Variants in ARHGEF12 observed in about 807,000 individuals in gnomAD.
ARHGEF12 encodes KMT2A/ARHGEF12 fusion protein.
A neutral mutation model predicts 211.2 loss-of-function variants in ARHGEF12; 66 were observed. That is an observed-to-expected ratio of 0.31 (90% confidence interval 0.26 to 0.38). ARHGEF12 has a LOEUF of 0.38. Among genes scored for constraint, ARHGEF12 ranks in the 10% least tolerant of loss-of-function variants. The pLI is 1.00. For synonymous variants in ARHGEF12, 592 were observed against 638.4 expected, an observed-to-expected ratio of 0.93 and a Z score of 1.09; for missense variants, 1,429 against 1,869.5, an observed-to-expected ratio of 0.76 and a Z score of 4.34.
intron 1 of ARHGEF12, among the ~76,000 whole-genome samples, chr11:120,370,287 CATA>C (rs746575237): frequency 3.8e-4 from 58 of 152,268 alleles, no homozygotes; most frequent in Admixed American, 6.5e-4. Context: ...CCTTGTCATA[CATA>C]ATGTTTCCAT....
chr11:120,385,120 C>G (rs1943991001), intron 1 of ARHGEF12, among the ~76,000 whole-genome samples: 1 of 151,982 alleles, frequency 6.6e-6, no homozygotes, highest in Admixed American at 6.6e-5. Flanking sequence ...TTGGCCTGTT[C>G]TGCTAGAGAA....
Position 120,429,811 on chromosome 11 carries a change from A to G in ARHGEF12, c.763A>G (p.Lys255Glu), listed in dbSNP as rs770972380. The change falls in exon 10 of 41, where the codon AAA (lysine) becomes GAA (glutamate). Residue 255 changes from lysine (K) to glutamate (E), a missense_variant. Physicochemically the swap from Lys to Glu is moderately conservative, Grantham distance 56. Transcript: ENST00000397843. ...HIPQLQEQLS[K>E]ATGSAQDGAV... ...TCCTCAGCTGCAAGAGCAGTTATCC[A>G]AAGCCACAGGCTCTGCTCAGGTAGC... 3 of 1,613,796 alleles carry G rather than the reference A, an allele frequency of 1.9e-6. No homozygotes were observed. In the Admixed American group the frequency reaches 5.0e-5, roughly 27 times the overall value.
At chr11:120,418,578 T>A (rs1231596514) in intron 4 of ARHGEF12, among the ~76,000 whole-genome samples, 1 of 152,242 alleles carries the variant, frequency 6.6e-6, no homozygotes, top group Non-Finnish European at 1.5e-5. Flanking sequence ...ATGGATCATA[T>A]GCAAATATAT....
intron 4 of ARHGEF12, among the ~76,000 whole-genome samples, chr11:120,419,695 AT>A (rs1343875701): frequency 1.3e-5 from 2 of 152,066 alleles, no homozygotes; most frequent in Non-Finnish European, 2.9e-5. Context: ...GTCTATATAT[AT>A]TTTTTATTAA....
At chr11:120,449,424 G>C (rs537900357) in intron 21 of ARHGEF12, 1 of 488,168 alleles carries the variant, frequency 2.0e-6, no homozygotes, top group East Asian at 3.4e-5. Context: ...TCGTGGGCTG[G>C]GCGTGGTGAT....
At chr11:120,376,523 A>G (rs780192914) in intron 1 of ARHGEF12, among the ~76,000 whole-genome samples, 6 of 152,292 alleles carry the variant, frequency 3.9e-5, no homozygotes, top group Middle Eastern at 3.4e-3. Flanking sequence ...GTTAATTTTT[A>G]TGGGCATAAG....
At position 120,487,019 on chromosome 11, in the gene ARHGEF12, G is replaced by C. The variant is rs1947413195; in HGVS notation, c.*1942G>C. 2.3e-5 allele frequency: 5 copies of C among 216,308 alleles called. No homozygotes were observed. The South Asian group carries it at 7.4e-4, about 32-fold the overall frequency. The allele number at this position is 216,308 out of a possible 1,614,324, so 13.4% of individuals were successfully genotyped here. A position where few individuals can be genotyped will look rare whatever the true frequency, so the allele number is the denominator to read the frequency against. On this transcript the variant is annotated 3_prime_UTR_variant, in exon 41 of 41. Coordinates refer to ENST00000397843, the MANE Select transcript of ARHGEF12 (RefSeq NM_015313.3). Reference sequence around the variant, plus strand: ...AGGAGGAACAAGTAAAAACCAAATGGTTACATTGTGCTGCTAGAAATAATG... The same window carrying C: ...AGGAGGAACAAGTAAAAACCAAATGCTTACATTGTGCTGCTAGAAATAATG...
chr11:120,445,344 C>T (rs956518563), intron 15 of ARHGEF12, 78 bp from the exon 16 acceptor site: 1 of 1,454,878 alleles, frequency 6.9e-7, no homozygotes, highest in Non-Finnish European at 9.7e-7. Flanking sequence ...GTTGTATCCC[C>T]TTACTTTACA....
chr11:120,356,328 C>T (rs1010369909), intron 1 of ARHGEF12, among the ~76,000 whole-genome samples: 3 of 152,200 alleles, frequency 2.0e-5, no homozygotes, highest in Non-Finnish European at 1.5e-5. Context: ...TCAAGCGATT[C>T]TTGTGGCTGA....
At chr11:120,383,194 C>A (rs527988940) in intron 1 of ARHGEF12, among the ~76,000 whole-genome samples, 3 of 151,254 alleles carry the variant, frequency 2.0e-5, no homozygotes, top group African/African-American at 7.3e-5. Flanking sequence ...GTGAAGGCAG[C>A]GTTTGGAGTG....
intron 1 of ARHGEF12, among the ~76,000 whole-genome samples, chr11:120,389,596 T>C (rs1463511877): frequency 6.6e-6 from 1 of 152,236 alleles, no homozygotes; most frequent in African/African-American, 2.4e-5. Context: ...CATTTATCTT[T>C]TGTGTTACAA....
chr11:120,478,074 TC>T, intron 36 of ARHGEF12, 81 bp from the exon 37 acceptor site: 14 of 909,772 alleles, frequency 1.5e-5, no homozygotes, highest in South Asian at 5.1e-5. Context: ...TTTTTTTTTT[TC>T]TGATTCTTCC....
Position 120,478,463 on chromosome 11 carries a change from A to T in ARHGEF12, c.3766+74A>T, listed in dbSNP as rs867665452. The T allele has an allele frequency of 4.5e-6, 6 of 1,336,660 alleles. No individual in the cohort carries two copies. In the Middle Eastern group the frequency reaches 7.2e-4, roughly 161 times the overall value. The allele number at this position is 1,336,660 out of a possible 1,614,324, so 82.8% of individuals were successfully genotyped here. The stretch of plus-strand genomic sequence containing the variant: ...CATGTGCCATCCCTAAAGTATGTGG[A>T]TTTATCAAACTCCACTTATTCTTCT... On this transcript the variant is annotated intron_variant, in intron 37 of 40. Coordinates refer to ENST00000397843, the MANE Select transcript of ARHGEF12 (RefSeq NM_015313.3).
rs773934460 is a variant in ARHGEF12, at chr11:120,451,494, C to A, written c.1844-18C>A. On this transcript the variant is annotated intron_variant, in intron 21 of 40. Transcript: ENST00000397843. The stretch of plus-strand genomic sequence containing the variant: ...ACCCAGCCGCAATACAGATTATTAA[C>A]CATCATTTTCTGATCAGTTGGCAGA... 2.4e-5 allele frequency: 39 copies of A among 1,612,874 alleles called. No homozygotes were observed. The highest frequency in any genetic ancestry group is 2.8e-5 in the Non-Finnish European group (33 of 1,179,612).
intron 13 of ARHGEF12, 76 bp from the exon 14 acceptor site, chr11:120,441,631 T>C (rs1172515443): frequency 1.7e-6 from 2 of 1,148,222 alleles, no homozygotes; most frequent in Non-Finnish European, 2.6e-6. Context: ...TTTGGATAGC[T>C]ATGTTCAATT....
chr11:120,393,381 T>C (rs1183245751), intron 1 of ARHGEF12, among the ~76,000 whole-genome samples: 1 of 152,124 alleles, frequency 6.6e-6, no homozygotes, highest in African/African-American at 2.4e-5. Flanking sequence ...ATTAAATGTA[T>C]AGACTATCAG....
rs1417126382 is a variant in ARHGEF12, at chr11:120,486,326, G to C, written c.*1249G>C. ...GGCAGAACTGCTCACACCAGCTCCA[G>C]AAGCACGTCCTCTGACTTCACTGCC... On this transcript the variant is annotated 3_prime_UTR_variant, in exon 41 of 41. Transcript: ENST00000397843. The C allele has an allele frequency of 4.3e-6, 1 of 233,272 alleles. No individual in the cohort carries two copies. The highest frequency in any genetic ancestry group is 8.5e-6 in the Non-Finnish European group (1 of 117,888). 14.5% of individuals were successfully genotyped at this position (233,272 alleles called of 1,614,324 possible).
At chr11:120,477,081 TTTG>T (rs146792075) in intron 34 of ARHGEF12, 135 bp from the exon 35 acceptor site, 51,817 of 635,690 alleles carry the variant, frequency 0.082, 2,794 homozygotes, top group African/African-American at 0.21. Flanking sequence ...CAGAGTGGGT[TTTG>T]TTGTTGTTGT....
chr11:120,457,741 C>T lies in ARHGEF12; in HGVS notation c.2210C>T (p.Pro737Leu). Residue 737 changes from proline (P) to leucine (L), a missense_variant, in exon 24 of 41, where the codon CCA becomes CTA. Transcript: ENST00000397843. ...EVERVTEHGT[P>L]KPFRKFDSVA... Reference sequence around the variant, plus strand: ...TTTAGGGTGACTGAACATGGGACACCAAAGCCCTTTCGAAAGTAAGTAAAT... The same window carrying T: ...TTTAGGGTGACTGAACATGGGACACTAAAGCCCTTTCGAAAGTAAGTAAAT... 3 of 1,608,552 alleles carry T rather than the reference C, an allele frequency of 1.9e-6. No individual in the cohort carries two copies. Among genetic ancestry groups the T allele is most frequent in the South Asian group, 1.1e-5 (1 of 90,144 alleles).
Sources: allele counts gnomAD v4.1 joint callset (sites outside exome capture counted in the v4.1 genomes callset), GRCh38; gene constraint gnomAD v4.1.1; transcripts MANE v1.5; gene names NCBI Gene and HGNC (gene_info 2026-07-23, HGNC 2026-07-21).